TENM4: variants seen among roughly 807,000 people sequenced by gnomAD.
TENM4 encodes the protein teneurin transmembrane protein 4.
TENM4 carries 82 observed loss-of-function variants against 243.3 expected under a neutral mutation model. The observed-to-expected ratio is 0.34, with a 90% confidence interval of 0.28 to 0.40. The LOEUF is 0.40. Among genes scored for constraint, TENM4 ranks in the 10% least tolerant of loss-of-function variants. TENM4 has a pLI of 1.00. For synonymous variants in TENM4, 1,412 were observed against 1,456.3 expected, an observed-to-expected ratio of 0.97 and a Z score of 0.69; for missense variants, 3,138 against 3,673.3, an observed-to-expected ratio of 0.85 and a Z score of 3.77.
chr11:78,937,904 C>T (rs147623246), intron 6 of TENM4, among the ~76,000 whole-genome samples: 57 of 152,200 alleles, frequency 3.7e-4, no homozygotes, highest in Admixed American at 1.3e-3. Flanking sequence ...GAGTATTGCC[C>T]AATTCTAGAA....
Position 78,676,229 on chromosome 11 carries a change from C to T in TENM4, c.5419G>A (p.Gly1807Ser), listed in dbSNP as rs202020330. ...KRNVTLPIDN[G>S]LNLVEWRQRK... ...TGGCGCCACTCCACCAGGTTGAGGC[C>T]GTTGTCGATGGGCAGCGTGACATTC... The change falls in exon 30 of 34, where the codon GGC (glycine) becomes AGC (serine). Residue 1807 changes from glycine (G) to serine (S), a missense_variant. Physicochemically the swap from Gly to Ser is moderately conservative, Grantham distance 56 (BLOSUM62 0). Coordinates refer to ENST00000278550, the MANE Select transcript of TENM4 (RefSeq NM_001098816.3). 684 of 1,604,110 alleles carry T rather than the reference C, an allele frequency of 4.3e-4. 2 individuals carry two copies. The highest frequency in any genetic ancestry group is 3.7e-3 in the South Asian group (333 of 89,508).
intron 6 of TENM4, among the ~76,000 whole-genome samples, chr11:79,007,014 A>G (rs1251642355): frequency 2.0e-5 from 3 of 152,148 alleles, no homozygotes; most frequent in African/African-American, 7.2e-5. Context: ...ACCTCCCCCA[A>G]AGAAGAGGAA....
At chr11:79,395,117 C>T (rs1045863972) in intron 1 of TENM4, among the ~76,000 whole-genome samples, 1 of 152,210 alleles carries the variant, frequency 6.6e-6, no homozygotes, top group Non-Finnish European at 1.5e-5. Flanking sequence ...ATATGCCAAT[C>T]AAGACAGGGA....
chr11:79,173,015 A>C (rs1863081727), intron 3 of TENM4, among the ~76,000 whole-genome samples: 1 of 152,196 alleles, frequency 6.6e-6, no homozygotes, highest in Non-Finnish European at 1.5e-5. Context: ...TTTTTCCAAA[A>C]TGTAAATCTC....
chr11:79,040,100 C>T (rs1182466785), intron 6 of TENM4, among the ~76,000 whole-genome samples: 1 of 151,844 alleles, frequency 6.6e-6, no homozygotes, highest in African/African-American at 2.4e-5. Context: ...AGAACCTCTT[C>T]GTGTCTCTAT....
chr11:79,123,588 C>T (rs141919919), intron 4 of TENM4, among the ~76,000 whole-genome samples: 17 of 144,842 alleles, frequency 1.2e-4, no homozygotes, highest in Middle Eastern at 3.6e-3. Context: ...TCCAGACAAA[C>T]GCAGTAGCCC....
Position 78,669,549 on chromosome 11 carries a change from C to T in TENM4, c.6796G>A (p.Gly2266Ser), listed in dbSNP as rs373812159. The change falls in exon 32 of 34, where the codon GGT (glycine) becomes AGT (serine). Residue 2266 changes from glycine to serine, a missense_variant. Around this residue, in one of 2 missense-constraint regions of TENM4, gnomAD observed 2,467 missense variants for 3,059.1 expected, o/e 0.81. Transcript: ENST00000278550. The surrounding 1 kb of genome is among the most constrained non-coding windows in gnomAD (Gnocchi z 6.4). ...DEDGFLRQRG[G>S]DIFEYNSAGL... ...GCTGAGTTGTACTCAAAGATATCAC[C>T]GCCCCGCTGCCTCAGGAAGCCATCC... 8.2e-5 allele frequency: 132 copies of T among 1,613,956 alleles called. No individual in the cohort carries two copies. In the East Asian group the frequency reaches 2.4e-3, roughly 30 times the overall value.
intron 16 of TENM4, among the ~76,000 whole-genome samples, chr11:78,779,796 C>T (rs778747147): frequency 1.6e-4 from 25 of 152,222 alleles, no homozygotes; most frequent in African/African-American, 2.7e-4. Context: ...CGGACTGCAA[C>T]GGTGTGGCCT....
At chr11:78,774,670 G>C (rs1282862729) in intron 17 of TENM4, among the ~76,000 whole-genome samples, 1 of 152,174 alleles carries the variant, frequency 6.6e-6, no homozygotes, top group Admixed American at 6.6e-5. Context: ...AATATGGGGG[G>C]AGTTGGGAAA....
intron 19 of TENM4, among the ~76,000 whole-genome samples, chr11:78,742,617 C>A (rs1855955102): frequency 6.6e-6 from 1 of 152,186 alleles, no homozygotes; most frequent in Non-Finnish European, 1.5e-5. Flanking sequence ...TAGGTGAACT[C>A]TGCCAGGAGG....
chr11:79,311,221 T>C (rs1856716610), intron 1 of TENM4, among the ~76,000 whole-genome samples: 1 of 152,208 alleles, frequency 6.6e-6, no homozygotes, highest in African/African-American at 2.4e-5. Context: ...TTCCCCCGTA[T>C]CCTAAATGGA....
chr11:78,780,402 T>G (rs1414601288), intron 16 of TENM4, among the ~76,000 whole-genome samples: 1 of 152,232 alleles, frequency 6.6e-6, no homozygotes, highest in Non-Finnish European at 1.5e-5. Context: ...TTTGTTAGCT[T>G]TCTTATCTGC....
intron 1 of TENM4, among the ~76,000 whole-genome samples, chr11:79,365,719 G>A (rs999080749): frequency 1.3e-5 from 2 of 152,172 alleles, no homozygotes; most frequent in Non-Finnish European, 2.9e-5. Flanking sequence ...CAGGCACAGA[G>A]GGAAGCAGGA....
intron 1 of TENM4, among the ~76,000 whole-genome samples, chr11:79,356,486 T>C (rs571536790): frequency 4.6e-5 from 7 of 152,332 alleles, no homozygotes; most frequent in African/African-American, 1.7e-4. Context: ...GAAAGACCAC[T>C]TCTGGAATTG....
chr11:79,355,715 G>A (rs1857485723), intron 1 of TENM4, among the ~76,000 whole-genome samples: 1 of 151,252 alleles, frequency 6.6e-6, no homozygotes, highest in Non-Finnish European at 1.5e-5. Context: ...ATGTGAGCAT[G>A]GTGAGACACA....
At chr11:78,741,197 T>C (rs1219496577) in intron 19 of TENM4, among the ~76,000 whole-genome samples, 1 of 152,166 alleles carries the variant, frequency 6.6e-6, no homozygotes, top group East Asian at 1.9e-4. Context: ...GCATTTGTCC[T>C]GGGAGGTTTG....
At position 78,933,745 on chromosome 11, in the gene TENM4, C is replaced by T. The variant is rs375978183; in HGVS notation, c.494-30222G>A. On this transcript the variant is annotated intron_variant, in intron 6 of 33. Coordinates refer to ENST00000278550, the MANE Select transcript of TENM4 (RefSeq NM_001098816.3). Reference sequence around the variant, plus strand: ...CCACGTGTAAGCTGGGGGTCTCACTCGGCATCCCAGGACCTCTGTTTCTGT... The same window carrying T: ...CCACGTGTAAGCTGGGGGTCTCACTTGGCATCCCAGGACCTCTGTTTCTGT... Among the ~76,000 whole-genome samples, 3 of 152,128 alleles carry T rather than the reference C, an allele frequency of 2.0e-5. No individual in the cohort carries two copies. In the East Asian group the frequency reaches 5.8e-4, roughly 29 times the overall value.
In TENM4 at chr11:78,661,512, G is replaced by C. The variant is rs1192262848; in HGVS notation, c.7488C>G (p.Ala2496=). 5 of 1,612,660 alleles carry C rather than the reference G, an allele frequency of 3.1e-6. No individual in the cohort carries two copies. Among genetic ancestry groups the C allele is most frequent in the Non-Finnish European group, 4.2e-6 (5 of 1,179,446 alleles). The part of the protein sequence containing the change: ...IPGYPKPDMD[A]MEPSYELIHT... ...GGATGAGCTCGTAGGAGGGTTCCAT[G>C]GCATCCATGTCTGGTTTGGGATAAC... The change falls in exon 33 of 34, where the codon GCC becomes GCG. Residue 2496 remains alanine, a synonymous_variant. Coordinates refer to ENST00000278550, the MANE Select transcript of TENM4 (RefSeq NM_001098816.3).
chr11:79,358,980 T>C (rs1016218853), intron 1 of TENM4, among the ~76,000 whole-genome samples: 4 of 150,256 alleles, frequency 2.7e-5, no homozygotes, highest in Admixed American at 2.0e-4. Flanking sequence ...TAAGAATAAA[T>C]CTATGGCTAG....
Sources: gnomAD v4.1 joint callset for allele counts (sites outside exome capture counted in the v4.1 genomes callset) on GRCh38, gnomAD v4.1.1 for gene constraint, gnomAD v4.1.1 regional missense constraint, Gnocchi (gnomAD v3.1) non-coding constraint, MANE v1.5 for transcripts, NCBI Gene and HGNC (gene_info 2026-07-23, HGNC 2026-07-21) for gene names.